Variants in RPS6KB1 observed in about 807,000 individuals in gnomAD.
RPS6KB1 encodes the protein ribosomal protein S6 kinase beta-1.
Under a neutral mutation model 70.2 loss-of-function variants are expected in RPS6KB1, and 12 were observed. The observed-to-expected ratio is 0.17, with a 90% confidence interval of 0.11 to 0.28. RPS6KB1 has a LOEUF of 0.28. Among genes scored for constraint, RPS6KB1 ranks in the 10% least tolerant of loss-of-function variants. RPS6KB1 has a pLI of 1.00. For missense variants in RPS6KB1, 270 were observed against 646.6 expected, an observed-to-expected ratio of 0.42 and a Z score of 6.32; for synonymous variants, 175 against 211.2, an observed-to-expected ratio of 0.83 and a Z score of 1.49.
intron 4 of RPS6KB1, among the ~76,000 whole-genome samples, chr17:59,922,106 T>C (rs1351967230): frequency 6.7e-6 from 1 of 150,156 alleles, no homozygotes; most frequent in Non-Finnish European, 1.5e-5. Flanking sequence ...AGTGGTGCAA[T>C]TTTGGCTCAC....
At chr17:59,895,272 G>A (rs891088103) in intron 1 of RPS6KB1, among the ~76,000 whole-genome samples, 8 of 149,364 alleles carry the variant, frequency 5.4e-5, no homozygotes, top group South Asian at 4.2e-4. Context: ...TGCCCGCCTC[G>A]GCCTCCCAAA....
intron 1 of RPS6KB1, among the ~76,000 whole-genome samples, chr17:59,908,907 C>T (rs1159787309): frequency 2.8e-5 from 4 of 141,838 alleles, no homozygotes; most frequent in South Asian, 2.2e-4. Context: ...CGTGAGCCAC[C>T]GCGCCCGGCC....
intron 1 of RPS6KB1, among the ~76,000 whole-genome samples, chr17:59,903,621 G>C (rs185110546): frequency 2.0e-5 from 3 of 152,268 alleles, no homozygotes; most frequent in Admixed American, 2.0e-4. Context: ...TTTTTTAAGA[G>C]ACGAACTTTT....
At chr17:59,913,086 T>G (rs1464176030) in intron 3 of RPS6KB1, among the ~76,000 whole-genome samples, 1 of 152,216 alleles carries the variant, frequency 6.6e-6, no homozygotes, top group South Asian at 2.1e-4. Flanking sequence ...AAAGGGTTCA[T>G]TCTTTACTTT....
At chr17:59,906,787 G>A (rs1422033998) in intron 1 of RPS6KB1, among the ~76,000 whole-genome samples, 4 of 151,946 alleles carry the variant, frequency 2.6e-5, no homozygotes, top group Non-Finnish European at 4.4e-5. Flanking sequence ...TCTGCCTTAC[G>A]GGTTCAAGCA....
chr17:59,910,490 T>C, intron 1 of RPS6KB1, 72 bp from the exon 2 acceptor site: 1 of 915,878 alleles, frequency 1.1e-6, no homozygotes, highest in Non-Finnish European at 1.7e-6. Flanking sequence ...CTTTCAGTTA[T>C]GAGACAAAGA....
intron 1 of RPS6KB1, among the ~76,000 whole-genome samples, chr17:59,902,486 A>C (rs1287862162): frequency 6.6e-6 from 1 of 151,936 alleles, no homozygotes; most frequent in East Asian, 1.9e-4. Flanking sequence ...TTATGGCTAC[A>C]GTGCATTTTG....
intron 9 of RPS6KB1, 104 bp from the exon 10 acceptor site, chr17:59,935,089 G>A (rs1754166280): frequency 1.5e-6 from 1 of 658,792 alleles, no homozygotes; most frequent in Non-Finnish European, 2.6e-6. Context: ...TGATCTCCAT[G>A]TATAACTAAT....
rs188493115 is a variant in RPS6KB1, at chr17:59,926,585, C to T, written c.529+3C>T. On this transcript the variant is annotated splice_donor_region_variant and intron_variant, in intron 5 of 14. Coordinates refer to ENST00000225577, the MANE Select transcript of RPS6KB1 (RefSeq NM_003161.4). ...CCTCATCCTTGAGTATCTCAGTGGTCAGTACACAGAGTTTGGTGTAATTAT... is the reference window on the plus strand; with the variant it reads ...CCTCATCCTTGAGTATCTCAGTGGTTAGTACACAGAGTTTGGTGTAATTAT... 1 of 1,602,676 alleles carries T rather than the reference C, an allele frequency of 6.2e-7. No individual in the cohort carries two copies. Among genetic ancestry groups the T allele is most frequent in the Admixed American group, 1.7e-5 (1 of 58,344 alleles).
chr17:59,942,587 T>G (rs1232046294), intron 13 of RPS6KB1, among the ~76,000 whole-genome samples: 1 of 152,210 alleles, frequency 6.6e-6, no homozygotes, highest in Non-Finnish European at 1.5e-5. Flanking sequence ...AATAATTGTT[T>G]GGGAGTGTTT....
chr17:59,901,933 C>G (rs1048221495), intron 1 of RPS6KB1, among the ~76,000 whole-genome samples: 1 of 148,296 alleles, frequency 6.7e-6, no homozygotes, highest in Non-Finnish European at 1.5e-5. Flanking sequence ...GTTGGAGGAT[C>G]GCTTGAGTCT....
At chr17:59,936,397 G>T (rs2044247116) in intron 11 of RPS6KB1, 67 bp from the exon 12 acceptor site, 3 of 1,539,620 alleles carry the variant, frequency 1.9e-6, no homozygotes, top group Non-Finnish European at 2.7e-6. Flanking sequence ...CTTCAAAAAG[G>T]TGATTAATTT....
At chr17:59,906,091 G>C (rs1293208934) in intron 1 of RPS6KB1, among the ~76,000 whole-genome samples, 1 of 152,164 alleles carries the variant, frequency 6.6e-6, no homozygotes, top group Non-Finnish European at 1.5e-5. Context: ...ATATCCAGTT[G>C]TTCCAACACA....
intron 12 of RPS6KB1, among the ~76,000 whole-genome samples, chr17:59,940,070 CTT>C (rs2145035039): frequency 6.6e-6 from 1 of 152,108 alleles, no homozygotes; most frequent in East Asian, 1.9e-4. Flanking sequence ...TGGGAAGAAA[CTT>C]TAACTGGAGC....
chr17:59,909,285 T>G (rs1425317263), intron 1 of RPS6KB1, among the ~76,000 whole-genome samples: 3 of 83,096 alleles, frequency 3.6e-5, no homozygotes, highest in Non-Finnish European at 6.4e-5. Flanking sequence ...TTTTTTTTTT[T>G]GAGATGGAGT....
intron 1 of RPS6KB1, among the ~76,000 whole-genome samples, chr17:59,902,870 C>T (rs1010505702): frequency 8.5e-5 from 13 of 152,060 alleles, no homozygotes; most frequent in Non-Finnish European, 2.9e-5. Context: ...GAGCCACCTC[C>T]TCGCCTGGCC....
At chr17:59,925,640 C>G (rs769116920) in intron 4 of RPS6KB1, among the ~76,000 whole-genome samples, 6 of 152,102 alleles carry the variant, frequency 3.9e-5, no homozygotes, top group Non-Finnish European at 7.3e-5. Flanking sequence ...TCACCCAGAC[C>G]TTCCTTTGCC....
intron 13 of RPS6KB1, among the ~76,000 whole-genome samples, chr17:59,943,910 A>G (rs2044767292): frequency 7.5e-6 from 1 of 132,522 alleles, no homozygotes; most frequent in African/African-American, 2.7e-5. Context: ...ATATATACAC[A>G]TATATATATA....
In RPS6KB1 at chr17:59,899,884, G is replaced by A. The variant is rs555242720; in HGVS notation, c.141+6559G>A. ...TCTATAAGAATACTATCAGTTTTTG[G>A]CTGGGTATGATAGCTCGTGCCTGTA... On this transcript the variant is annotated intron_variant, in intron 1 of 14. Transcript: ENST00000225577. Among the ~76,000 whole-genome samples the A allele has an allele frequency of 3.3e-5, 5 of 152,102 alleles. No homozygotes were observed. In the South Asian group the frequency reaches 1.0e-3, roughly 32 times the overall value.
Sources: allele counts gnomAD v4.1 joint callset (sites outside exome capture counted in the v4.1 genomes callset), GRCh38; gene constraint gnomAD v4.1.1; transcripts MANE v1.5; gene names NCBI Gene and HGNC (gene_info 2026-07-23, HGNC 2026-07-21).